The following BRIP1 variants were observed in gnomAD, a reference collection of about 807,000 sequenced individuals.
BRIP1 encodes the protein Fanconi anemia group J protein.
BRIP1 carries 88 observed loss-of-function variants against 119.7 expected under a neutral mutation model. The ratio of observed to expected loss-of-function variants is 0.74; its 90% CI spans 0.62 to 0.88. The LOEUF (loss-of-function observed/expected upper bound fraction) is 0.88, where lower values mean the gene tolerates loss of function less well. Ranked by LOEUF, BRIP1 falls within the 40% of genes least tolerant of loss-of-function variation. BRIP1 has a pLI of 0.00. For missense variants in BRIP1, 1,259 were observed against 1,455.4 expected (o/e 0.87, Z 2.20); for synonymous variants, 443 against 496.5 (o/e 0.89, Z 1.43).
At chr17:61,782,379 C>G (rs551677640) in intron 11 of BRIP1, among the ~76,000 whole-genome samples, 5 of 112,120 alleles carry the variant, frequency 4.5e-5, no homozygotes, top group African/African-American at 1.7e-4. Context: ...GAGCGAGACT[C>G]CCGTCTCAGA....
chr17:61,826,752 A>C (rs1009853267), intron 6 of BRIP1, among the ~76,000 whole-genome samples: 1 of 150,660 alleles, frequency 6.6e-6, no homozygotes, highest in African/African-American at 2.4e-5. Flanking sequence ...AAAAAAAAAA[A>C]AAAAACAGAT....
At position 61,684,238 on chromosome 17, in the gene BRIP1, T is replaced by C. The variant is rs2061328780; in HGVS notation, c.2906-98A>G. On this transcript the variant is annotated intron_variant, in intron 19 of 19. Coordinates refer to ENST00000259008, the MANE Select transcript of BRIP1 (RefSeq NM_032043.3). This position sits in a 1 kb window ranked among gnomAD's most constrained non-coding sequence, Gnocchi z 4.5. ...TTTATTAGAAATACCTAAATAACTGTATAGGATACATAACTTAGAGCCCCC... is the reference window on the plus strand; with the variant it reads ...TTTATTAGAAATACCTAAATAACTGCATAGGATACATAACTTAGAGCCCCC... 5 of 1,356,030 alleles carry C rather than the reference T, an allele frequency of 3.7e-6. No individual in the cohort carries two copies. The South Asian group carries it at 6.8e-5, about 18-fold the overall frequency. The allele number at this position is 1,356,030 out of a possible 1,614,324, so 84.0% of individuals were successfully genotyped here.
intron 6 of BRIP1, among the ~76,000 whole-genome samples, chr17:61,840,112 A>G (rs2145689309): frequency 6.6e-6 from 1 of 152,288 alleles, no homozygotes; most frequent in Non-Finnish European, 1.5e-5. Flanking sequence ...TAATCCCAGC[A>G]CTTTGGGAGG....
rs1013541432 is a variant in BRIP1, at chr17:61,767,938, C to T, written c.2097+8463G>A. The stretch of plus-strand genomic sequence containing the variant: ...TTAATACCCACTGAAATATCAACCA[C>T]CTCCTCTAGGAAACTCCTCTGCTTC... On this transcript the variant is annotated intron_variant, in intron 14 of 19. Transcript: ENST00000259008. This position sits in a 1 kb window ranked among gnomAD's most constrained non-coding sequence, Gnocchi z 5.7. Among the ~76,000 whole-genome samples, 1 of 152,184 alleles carries T rather than the reference C, an allele frequency of 6.6e-6. No individual in the cohort carries two copies. Among genetic ancestry groups the T allele is most frequent in the South Asian group, 2.1e-4 (1 of 4,834 alleles).
At position 61,734,541 on chromosome 17, in the gene BRIP1, TTTA is replaced by T. The variant is rs1401755927; in HGVS notation, c.2379+8469_2379+8471del. Among the ~76,000 whole-genome samples the T allele has an allele frequency of 2.0e-5, 3 of 152,230 alleles. No individual in the cohort carries two copies. The East Asian group carries it at 5.8e-4, about 29-fold the overall frequency. Reference sequence around the variant, plus strand: ...TTATCAACATTTCATAGTGGGTTTCTTTATTTTCAGGTCCCTCAGGTATGTGCA... The same window carrying T: ...TTATCAACATTTCATAGTGGGTTTCTTTTTCAGGTCCCTCAGGTATGTGCA... On this transcript the variant is annotated intron_variant, in intron 16 of 19. Coordinates refer to ENST00000259008, the MANE Select transcript of BRIP1 (RefSeq NM_032043.3). The surrounding 1 kb of genome is among the most constrained non-coding windows in gnomAD (Gnocchi z 5.2).
At chr17:61,731,583 T>C (rs1352216412) in intron 16 of BRIP1, among the ~76,000 whole-genome samples, 1 of 152,224 alleles carries the variant, frequency 6.6e-6, no homozygotes, top group Non-Finnish European at 1.5e-5. Context: ...TCTTTCAACC[T>C]TAGAACCTTA....
At chr17:61,749,449 A>G (rs991779145) in intron 14 of BRIP1, among the ~76,000 whole-genome samples, 1 of 152,190 alleles carries the variant, frequency 6.6e-6, no homozygotes, top group Non-Finnish European at 1.5e-5. Context: ...ACATGAATAG[A>G]CAGTTCTCCA....
In BRIP1 at chr17:61,685,842, C is replaced by T. The variant is rs1305928655; in HGVS notation, c.2899G>A (p.Glu967Lys). The T allele has an allele frequency of 1.9e-6, 3 of 1,609,164 alleles. No individual in the cohort carries two copies. Among genetic ancestry groups the T allele is most frequent in the South Asian group, 1.1e-5 (1 of 90,698 alleles). ...PLPSSIISRKEKNDPVFLEEA... is the reference protein window; with the variant it reads ...PLPSSIISRKKKNDPVFLEEA... Reference sequence around the variant, plus strand: ...TGGGAAGAACTTTTCATACTTTTCTCCTTTCTGGAGATAATGCTACTTGGT... The same window carrying T: ...TGGGAAGAACTTTTCATACTTTTCTTCTTTCTGGAGATAATGCTACTTGGT... The change falls in exon 19 of 20, where the codon GAG becomes AAG. Residue 967 changes from glutamate to lysine, a missense_variant. Around this residue, in one of 3 missense-constraint regions of BRIP1, gnomAD observed 753 missense variants for 891.8 expected, o/e 0.84. Coordinates refer to ENST00000259008, the MANE Select transcript of BRIP1 (RefSeq NM_032043.3).
chr17:61,811,284 G>A lies in BRIP1; in HGVS notation c.628-2527C>T, dbSNP rs557343428. 2.0e-3 allele frequency among the ~76,000 whole-genome samples: 306 copies of A among 152,078 alleles called. 1 individual carries two copies. The highest frequency in any genetic ancestry group is 6.9e-3 in the African/African-American group (288 of 41,496). ...TTTTTGCCCAGGCTGGAGTGCAATG[G>A]CATGATCTCGGCTTACCACAACTCC... On this transcript the variant is annotated intron_variant, in intron 6 of 19. Coordinates refer to ENST00000259008, the MANE Select transcript of BRIP1 (RefSeq NM_032043.3).
Position 61,861,678 on chromosome 17 carries a change from AT to A in BRIP1, c.-30-110del. 1.4e-6 allele frequency: 1 copy of A among 695,888 alleles called. No homozygotes were observed. The highest frequency in any genetic ancestry group is 1.8e-5 in the African/African-American group (1 of 55,910). 43.1% of individuals were successfully genotyped at this position (695,888 alleles called of 1,614,324 possible). On this transcript the variant is annotated intron_variant, in intron 1 of 19. Transcript: ENST00000259008. This position sits in a 1 kb window ranked among gnomAD's most constrained non-coding sequence, Gnocchi z 4.5. The stretch of plus-strand genomic sequence containing the variant: ...AACAGAAACTGGAATTAATAAAAGT[AT>A]AAACAAAACAAATGGAAACAAAATA...
Position 61,710,604 on chromosome 17 carries a change from T to C in BRIP1, c.2492+5347A>G, listed in dbSNP as rs1243772383. Among the ~76,000 whole-genome samples the C allele has an allele frequency of 6.6e-6, 1 of 152,172 alleles. No individual in the cohort carries two copies. The highest frequency in any genetic ancestry group is 1.5e-5 in the Non-Finnish European group (1 of 68,034). ...CAAGGCAAAGCATAATGAAAGAATATAGCATGTTTGATAGTTTAATACTGA... is the reference window on the plus strand; with the variant it reads ...CAAGGCAAAGCATAATGAAAGAATACAGCATGTTTGATAGTTTAATACTGA... On this transcript the variant is annotated intron_variant, in intron 17 of 19. Coordinates refer to ENST00000259008, the MANE Select transcript of BRIP1 (RefSeq NM_032043.3). The surrounding 1 kb of genome is among the most constrained non-coding windows in gnomAD (Gnocchi z 5.4).
At chr17:61,817,311 T>C (rs1270533661) in intron 6 of BRIP1, among the ~76,000 whole-genome samples, 1 of 152,198 alleles carries the variant, frequency 6.6e-6, no homozygotes, top group African/African-American at 2.4e-5. Context: ...TGGTTATAGA[T>C]TGTATTTCAA....
Position 61,799,082 on chromosome 17 carries a change from A to G in BRIP1, c.1340+18T>C, listed in dbSNP as rs2145298379. The G allele has an allele frequency of 6.2e-7, 1 of 1,600,972 alleles. No homozygotes were observed. The highest frequency in any genetic ancestry group is 2.2e-5 in the East Asian group (1 of 44,798). On this transcript the variant is annotated intron_variant, in intron 9 of 19. Transcript: ENST00000259008. The surrounding 1 kb of genome is among the most constrained non-coding windows in gnomAD (Gnocchi z 5.1). ...ATATAAAGGCAGCACAAATACACTA[A>G]TAGACAAATCTTCTTACTTAATGAG...
rs2061609297 is a variant in BRIP1 at position 61,701,249 on chromosome 17, T to G, written c.2493-7737A>C. 6.6e-6 allele frequency among the ~76,000 whole-genome samples: 1 copy of G among 152,236 alleles called. No homozygotes were observed. Among genetic ancestry groups the G allele is most frequent in the Non-Finnish European group, 1.5e-5 (1 of 68,034 alleles). ...GTTGAAAACAGTACATTTTAAATAA[T>G]ATAATGTGGCAAATATAGAAATCGG... is the stretch of plus-strand genomic sequence containing the variant. On this transcript the variant is annotated intron_variant, in intron 17 of 19. Transcript: ENST00000259008. The surrounding 1 kb of genome is among the most constrained non-coding windows in gnomAD (Gnocchi z 5.1).
intron 16 of BRIP1, among the ~76,000 whole-genome samples, chr17:61,719,496 G>A (rs549983278): frequency 2.0e-5 from 3 of 152,160 alleles, no homozygotes; most frequent in Admixed American, 6.5e-5. Context: ...AAGCTGAGGC[G>A]GGTGGATCAC....
chr17:61,686,280 T>A lies in BRIP1; in HGVS notation c.2576-115A>T. ...AGTAACCTAATTTGTATTTTGAATA[T>A]ACAGAATGGTTCTCCATATGTTTTT... On this transcript the variant is annotated intron_variant, in intron 18 of 19. Coordinates refer to ENST00000259008, the MANE Select transcript of BRIP1 (RefSeq NM_032043.3). This position sits in a 1 kb window ranked among gnomAD's most constrained non-coding sequence, Gnocchi z 5.4. 1.1e-6 allele frequency: 1 copy of A among 946,738 alleles called. No individual in the cohort carries two copies. Among genetic ancestry groups the A allele is most frequent in the Non-Finnish European group, 1.7e-6 (1 of 600,600 alleles). The allele number at this position is 946,738 out of a possible 1,614,324, so 58.6% of individuals were successfully genotyped here.
chr17:61,787,688 A>C (rs2077752062), intron 10 of BRIP1, among the ~76,000 whole-genome samples: 1 of 151,844 alleles, frequency 6.6e-6, no homozygotes, highest in Non-Finnish European at 1.5e-5. Context: ...TCTGTCGCCC[A>C]GGCTGGACTG....
At chr17:61,801,513 T>C (rs2145344251) in intron 7 of BRIP1, 39 bp from the exon 8 acceptor site, 1 of 1,468,640 alleles carries the variant, frequency 6.8e-7, no homozygotes, top group Non-Finnish European at 9.5e-7. Flanking sequence ...TGAACCAATA[T>C]TAGCATAGAA....
chr17:61,740,279 G>A lies in BRIP1; in HGVS notation c.2379+2734C>T, dbSNP rs776230223. On this transcript the variant is annotated intron_variant, in intron 16 of 19. Coordinates refer to ENST00000259008, the MANE Select transcript of BRIP1 (RefSeq NM_032043.3). This position sits in a 1 kb window ranked among gnomAD's most constrained non-coding sequence, Gnocchi z 5.4. ...TGGACAAAAGACCCCAGGATTCCCC[G>A]GAGGAACCCATGAGTCTGTGGTTAA... Among the ~76,000 whole-genome samples, 3 of 152,106 alleles carry A rather than the reference G, an allele frequency of 2.0e-5. No homozygotes were observed. Among genetic ancestry groups the A allele is most frequent in the Admixed American group, 1.3e-4 (2 of 15,264 alleles).
Sources: allele counts gnomAD v4.1 joint callset (sites outside exome capture counted in the v4.1 genomes callset), GRCh38; gene constraint gnomAD v4.1.1; regional missense constraint gnomAD v4.1.1; non-coding constraint Gnocchi (gnomAD v3.1); transcripts MANE v1.5; gene names NCBI Gene and HGNC (gene_info 2026-07-23, HGNC 2026-07-21).